The following MAPT variants were observed in gnomAD, a reference collection of about 807,000 sequenced individuals.
The protein encoded by MAPT is microtubule associated protein tau.
A neutral mutation model predicts 67.9 loss-of-function variants in MAPT; 34 were observed. That is an observed-to-expected ratio of 0.50 (90% confidence interval 0.38 to 0.67). The LOEUF (loss-of-function observed/expected upper bound fraction) is 0.67. Ranked by LOEUF, MAPT falls within the 30% of genes least tolerant of loss-of-function variation. The pLI is 0.00. For missense variants in MAPT, 881 were observed against 1,115.2 expected, an observed-to-expected ratio of 0.79 and a Z score of 2.99; for synonymous variants, 456 against 464.5, an observed-to-expected ratio of 0.98 and a Z score of 0.23.
chr17:45,911,125 G>A lies in MAPT; in HGVS notation c.-18+16439G>A, dbSNP rs115932533. Among the ~76,000 whole-genome samples, 1,047 of 152,274 alleles carry A rather than the reference G, an allele frequency of 6.9e-3. 10 individuals are homozygous for A. Among genetic ancestry groups the A allele is most frequent in the African/African-American group, 0.024 (989 of 41,552 alleles). On this transcript the variant is annotated intron_variant, in intron 1 of 12. Coordinates refer to ENST00000262410, the MANE Select transcript of MAPT (RefSeq NM_001377265.1). The stretch of plus-strand genomic sequence containing the variant: ...TGCTGCCTTCACATCACTAGTGCCC[G>A]TTATTTGTGTTTAATTTCCACAATG...
Position 45,962,531 on chromosome 17 carries a change from A to C in MAPT, c.133+61A>C, listed in dbSNP as rs2070561620. On this transcript the variant is annotated intron_variant, in intron 2 of 12. Transcript: ENST00000262410. ...CTGCAAGCCAAGGGGTGGCGGGAAC[A>C]GTTTGCATCCAGAATTGCAAAGAAA... The C allele has an allele frequency of 3.1e-6, 5 of 1,599,878 alleles. No individual in the cohort carries two copies. The East Asian group carries it at 1.1e-4, about 36-fold the overall frequency.
chr17:45,973,643 C>G (rs1046780743), intron 3 of MAPT: 1 of 152,174 alleles, frequency 6.6e-6, no homozygotes, highest in African/African-American at 2.4e-5. Context: ...TATGTGTACC[C>G]GGAAAGGCCT....
At chr17:46,009,227 CCAAAGCACA>C in intron 9 of MAPT, among the ~76,000 whole-genome samples, 1 of 152,014 alleles carries the variant, frequency 6.6e-6, no homozygotes, top group African/African-American at 2.4e-5. Flanking sequence ...AACAAAAAAC[CCAAAGCACA>C]CTGTTTCCAC....
chr17:46,008,321 G>A (rs568080762), intron 9 of MAPT, among the ~76,000 whole-genome samples: 6 of 152,208 alleles, frequency 3.9e-5, no homozygotes, highest in Middle Eastern at 3.4e-3. Context: ...AACTCCTGAC[G>A]TCAGGTGATC....
At chr17:45,951,836 C>A (rs577484411) in intron 1 of MAPT, among the ~76,000 whole-genome samples, 1 of 152,044 alleles carries the variant, frequency 6.6e-6, no homozygotes, top group Non-Finnish European at 1.5e-5. Context: ...GTGTTCCTTA[C>A]CTCCCACCCC....
chr17:45,989,074 G>T (rs535546990), intron 6 of MAPT, among the ~76,000 whole-genome samples: 96 of 152,242 alleles, frequency 6.3e-4, no homozygotes, highest in Non-Finnish European at 1.2e-3. Context: ...GTAGCCATAT[G>T]AGTCTGTCAG....
Position 45,991,491 on chromosome 17 carries a change from C to T in MAPT, c.1637C>T (p.Pro546Leu), listed in dbSNP as rs1348800465. The stretch of plus-strand genomic sequence containing the variant: ...GATGGTAAAACGAAGATCGCCACAC[C>T]GCGGGGAGCAGCCCCTCCAGGCCAG... ...GADGKTKIAT[P>L]RGAAPPGQKG... The change falls in exon 8 of 13, where the codon CCG becomes CTG. Residue 546 changes from proline (P) to leucine (L), a missense_variant. Physicochemically the swap from Pro to Leu is moderately conservative, Grantham distance 98. Around this residue, in one of 6 missense-constraint regions of MAPT, gnomAD observed 687 missense variants for 766.1 expected, o/e 0.90. Transcript: ENST00000262410. 6.2e-6 allele frequency: 10 copies of T among 1,614,082 alleles called. No individual in the cohort carries two copies. The highest frequency in any genetic ancestry group is 1.3e-5 in the African/African-American group (1 of 74,922).
rs1369466755 is a variant in MAPT at position 45,904,347 on chromosome 17, T to C, written c.-18+9661T>C. On this transcript the variant is annotated intron_variant, in intron 1 of 12. Coordinates refer to ENST00000262410, the MANE Select transcript of MAPT (RefSeq NM_001377265.1). The stretch of plus-strand genomic sequence containing the variant: ...ATATATATTATATATTATATATATA[T>C]TATATATATTATATATATTAAATAT... Among the ~76,000 whole-genome samples the C allele has an allele frequency of 3.4e-4, 28 of 81,424 alleles. 1 individual carries two copies. Among genetic ancestry groups the C allele is most frequent in the African/African-American group, 1.3e-3 (24 of 18,760 alleles). 53.4% of individuals were successfully genotyped at this position (81,424 alleles called of 152,430 possible). A position where few individuals can be genotyped will look rare whatever the true frequency, so the allele number is the denominator to read the frequency against.
intron 1 of MAPT, among the ~76,000 whole-genome samples, chr17:45,903,730 AAG>A (rs1212520422): frequency 9.4e-6 from 1 of 105,872 alleles, no homozygotes; most frequent in African/African-American, 3.4e-5. Flanking sequence ...AAAAAAAAAA[AAG>A]GAATCTCTTT....
At chr17:46,000,262 G>A (rs952803556) in intron 9 of MAPT, among the ~76,000 whole-genome samples, 3 of 152,300 alleles carry the variant, frequency 2.0e-5, no homozygotes, top group South Asian at 2.1e-4. Context: ...AACGGAAAAC[G>A]TCTGTTTTCC....
intron 1 of MAPT, among the ~76,000 whole-genome samples, chr17:45,955,578 A>G (rs1182537135): frequency 6.6e-6 from 1 of 152,164 alleles, no homozygotes; most frequent in Non-Finnish European, 1.5e-5. Flanking sequence ...AGACTTGGTG[A>G]TGTGTCGATG....
intron 1 of MAPT, among the ~76,000 whole-genome samples, chr17:45,927,297 G>T (rs1048321067): frequency 1.3e-5 from 2 of 152,170 alleles, no homozygotes; most frequent in African/African-American, 2.4e-5. Context: ...GGGGAAGGGG[G>T]TAGTCGCTGA....
In MAPT at chr17:45,993,594, A is replaced by G. The variant is rs191642924; in HGVS notation, c.1732+2008A>G. Among the ~76,000 whole-genome samples the G allele has an allele frequency of 2.1e-3, 322 of 152,332 alleles. 2 individuals carry two copies. Among genetic ancestry groups the G allele is most frequent in the African/African-American group, 7.6e-3 (314 of 41,574 alleles). On this transcript the variant is annotated intron_variant, in intron 8 of 12. Coordinates refer to ENST00000262410, the MANE Select transcript of MAPT (RefSeq NM_001377265.1). ...ACGCCCTGCTAATTTTTGTATTTTTAGTAAAGACAGGGTTTCACCATTTTG... is the reference window on the plus strand; with the variant it reads ...ACGCCCTGCTAATTTTTGTATTTTTGGTAAAGACAGGGTTTCACCATTTTG...
intron 9 of MAPT, among the ~76,000 whole-genome samples, chr17:46,000,766 C>G (rs1388010408): frequency 3.9e-5 from 6 of 152,170 alleles, no homozygotes; most frequent in Admixed American, 3.9e-4. Flanking sequence ...CACTTTCAGT[C>G]CCAGCTCTAT....
intron 1 of MAPT, among the ~76,000 whole-genome samples, chr17:45,919,356 C>A (rs905013855): frequency 2.4e-4 from 37 of 152,316 alleles, no homozygotes; most frequent in African/African-American, 7.5e-4. Context: ...GGGCGCCCCC[C>A]CCGCCTGCCC....
At chr17:45,990,699 G>A (rs1249173869) in intron 7 of MAPT, among the ~76,000 whole-genome samples, 1 of 152,188 alleles carries the variant, frequency 6.6e-6, no homozygotes, top group Non-Finnish European at 1.5e-5. Flanking sequence ...CCCTGATCTG[G>A]GTAGGACAGC....
At chr17:46,007,834 T>C (rs1216212477) in intron 9 of MAPT, among the ~76,000 whole-genome samples, 1 of 152,202 alleles carries the variant, frequency 6.6e-6, no homozygotes, top group Non-Finnish European at 1.5e-5. Flanking sequence ...TCTAGGACTC[T>C]GTGTTATGAA....
At chr17:45,974,467 C>G in intron 3 of MAPT, 1 of 1,603,152 alleles carries the variant, frequency 6.2e-7, no homozygotes, top group Non-Finnish European at 8.5e-7. Flanking sequence ...CAGAAGGAAC[C>G]ACAGGTGAGG....
chr17:46,008,778 C>T (rs2075623516), intron 9 of MAPT, among the ~76,000 whole-genome samples: 2 of 152,158 alleles, frequency 1.3e-5, no homozygotes, highest in Admixed American at 1.3e-4. Flanking sequence ...GTGGTTTCCA[C>T]CCAGCATTCT....
Sources: gnomAD v4.1 joint callset for allele counts (sites outside exome capture counted in the v4.1 genomes callset) on GRCh38, gnomAD v4.1.1 for gene constraint, gnomAD v4.1.1 regional missense constraint, MANE v1.5 for transcripts, NCBI Gene and HGNC (gene_info 2026-07-23, HGNC 2026-07-21) for gene names.